CLCNKA: variants seen among roughly 807,000 people sequenced by gnomAD.
The protein encoded by CLCNKA is chloride channel protein ClC-Ka.
A neutral mutation model predicts 83.3 loss-of-function variants in CLCNKA; 66 were observed. The observed-to-expected ratio is 0.79, with a 90% CI of 0.65 to 0.97. The LOEUF (loss-of-function observed/expected upper bound fraction) is 0.97, where lower values mean the gene tolerates loss of function less well. Ranked by LOEUF, CLCNKA falls within the 50% of genes least tolerant of loss-of-function variation. The probability of loss-of-function intolerance (pLI) is 0.00; values close to 1 mark genes in which losing one functional copy is unlikely to be tolerated. For missense variants in CLCNKA, 806 were observed against 888.7 expected (o/e 0.91, Z 1.18); for synonymous variants, 357 against 370.4 (o/e 0.96, Z 0.42).
At chr1:16,023,716 C>T (rs1044655593) in intron 2 of CLCNKA, 84 bp from the exon 3 acceptor site, 4 of 1,562,728 alleles carry the variant, frequency 2.6e-6, no homozygotes, top group Non-Finnish European at 3.5e-6. Flanking sequence ...GTCCTCCCTG[C>T]CTGGAGCCAA....
chr1:16,029,361 G>T lies in CLCNKA; in HGVS notation c.1227+62G>T, dbSNP rs61151066. 17 of 1,610,068 alleles carry T rather than the reference G, an allele frequency of 1.1e-5. No individual in the cohort carries two copies. The South Asian group carries it at 1.4e-4, about 14-fold the overall frequency. ...GACCAGCTCTGGTGGGGAGGGGCGG[G>T]GGTGCCTCCCTGCACCTGGTGGCAT... On this transcript the variant is annotated intron_variant, in intron 12 of 19. Transcript: ENST00000331433.
rs754248526 is a variant in CLCNKA at position 16,022,643 on chromosome 1, TG to T, written c.25del (p.Glu9ArgfsTer8). On this transcript the variant is annotated frameshift_variant, in exon 2 of 20. Transcript: ENST00000331433. LOFTEE classifies it high-confidence loss of function. ...TGATGGAGGAGTTGGTGGGGCTGCG[TG>T]AGGGCTTCTCAGGGGACCCTGTGAC... The part of the protein sequence containing the change: MEELVGLR[E>X]GFSGDPVTLQ... The T allele has an allele frequency of 6.4e-7, 1 of 1,567,974 alleles. No homozygotes were observed. Among genetic ancestry groups the T allele is most frequent in the African/African-American group, 1.3e-5 (1 of 74,250 alleles).
rs1421131685 is a variant in CLCNKA, at chr1:16,030,520, G to C, written c.1468G>C (p.Glu490Gln). The change falls in exon 15 of 20, where the codon GAG (glutamate) becomes CAG (glutamine). Residue 490 changes from glutamate (E) to glutamine (Q), a missense_variant. Transcript: ENST00000331433. ...HTISTALLAF[E>Q]LTGQIVHALP... ...CATCTCCACGGCGCTGCTGGCCTTT[G>C]AGCTGACCGGCCAGATAGTGCATGC... 6 of 1,613,008 alleles carry C rather than the reference G, an allele frequency of 3.7e-6. No homozygotes were observed. Among genetic ancestry groups the C allele is most frequent in the Non-Finnish European group, 5.1e-6 (6 of 1,180,046 alleles).
chr1:16,033,357 T>G, intron 19 of CLCNKA, 101 bp downstream of exon 19: 1 of 1,331,290 alleles, frequency 7.5e-7, no homozygotes, highest in Non-Finnish European at 1.1e-6. Context: ...CATCCAAACC[T>G]GGGGGGATTC....
intron 16 of CLCNKA, 136 bp downstream of exon 16, chr1:16,031,979 T>A: frequency 6.8e-7 from 1 of 1,473,480 alleles, no homozygotes; most frequent in Non-Finnish European, 9.3e-7. Flanking sequence ...AGCAAGTCAC[T>A]TCACCTGAGC....
intron 15 of CLCNKA, among the ~76,000 whole-genome samples, 170 bp downstream of exon 15, chr1:16,030,844 G>T (rs1010533399): frequency 3.3e-5 from 5 of 152,224 alleles, no homozygotes; most frequent in African/African-American, 4.8e-5. Context: ...CAGTGCCCTG[G>T]GTGACCTTGG....
At chr1:16,032,924 C>A (rs1570314267) in intron 18 of CLCNKA, among the ~76,000 whole-genome samples, 1 of 152,348 alleles carries the variant, frequency 6.6e-6, no homozygotes, top group African/African-American at 2.4e-5. Flanking sequence ...GAGATGGCCC[C>A]GCCCCCTCTG....
At chr1:16,028,177 C>G (rs12753541) in intron 10 of CLCNKA, 58 bp downstream of exon 10, 5 of 1,516,120 alleles carry the variant, frequency 3.3e-6, no homozygotes, top group Non-Finnish European at 4.6e-6. Context: ...GACTCCAGAC[C>G]TTATGTAGAA....
chr1:16,026,944 G>A (rs2022384744), intron 7 of CLCNKA, 169 bp downstream of exon 7: 4 of 845,300 alleles, frequency 4.7e-6, no homozygotes, highest in Non-Finnish European at 5.7e-6. Context: ...GGGGCGGGGC[G>A]GGTGGTTGGG....
In CLCNKA at chr1:16,033,102, C is replaced by T. The variant is rs956304440; in HGVS notation, c.1930-68C>T. 2.6e-5 allele frequency: 39 copies of T among 1,508,472 alleles called. No homozygotes were observed. The African/African-American group carries it at 3.7e-4, about 14-fold the overall frequency. The allele number at this position is 1,508,472 out of a possible 1,614,324, so 93.4% of individuals were successfully genotyped here. A position where few individuals can be genotyped will look rare whatever the true frequency, so the allele number is the denominator to read the frequency against. On this transcript the variant is annotated intron_variant, in intron 18 of 19. Transcript: ENST00000331433. Reference sequence around the variant, plus strand: ...CCCTCTTCCTGGCTCAGAGGCGTGGCAGAGTGGGCCAGAGGGTGGGCTGGG... The same window carrying T: ...CCCTCTTCCTGGCTCAGAGGCGTGGTAGAGTGGGCCAGAGGGTGGGCTGGG...
At chr1:16,032,557 A>AAG (rs1553125436) in intron 18 of CLCNKA, 31 bp downstream of exon 18, 17 of 1,554,492 alleles carry the variant, frequency 1.1e-5, no homozygotes, top group South Asian at 4.4e-5. Context: ...TGACACACGC[A>AAG]GCCCCCGGGG....
chr1:16,022,794 T>G, intron 2 of CLCNKA, 75 bp downstream of exon 2: 1 of 1,086,016 alleles, frequency 9.2e-7, no homozygotes. Flanking sequence ...CCACCCCACC[T>G]CTCTGCCCAG....
chr1:16,027,412 T>C lies in CLCNKA; in HGVS notation c.758T>C (p.Leu253Pro). 1 of 1,614,076 alleles carries C rather than the reference T, an allele frequency of 6.2e-7. No homozygotes were observed. ...TGCGGGGCCTTCATATTCCGGCTCC[T>C]GGCAGTCTTCAACAGCGAGCAGGGT... ...ATCGAFIFRL[L>P]AVFNSEQETI... Residue 253 changes from leucine (L) to proline (P), a missense_variant, in exon 8 of 20, where the codon CTG (leucine) becomes CCG (proline). Transcript: ENST00000331433.
chr1:16,029,044 C>A (rs935736106), intron 11 of CLCNKA, 82 bp from the exon 12 acceptor site: 4 of 1,559,264 alleles, frequency 2.6e-6, no homozygotes, highest in African/African-American at 1.4e-5. Flanking sequence ...GGATTCCAGG[C>A]GGGGTCAGGC....
chr1:16,027,191 T>C, intron 7 of CLCNKA, 119 bp from the exon 8 acceptor site: 2 of 1,444,780 alleles, frequency 1.4e-6, no homozygotes, highest in Non-Finnish European at 1.9e-6. Flanking sequence ...TGTCTGTCCC[T>C]GTCCGGGCTG....
In CLCNKA at chr1:16,023,625, G is replaced by C. The variant is rs2022226316; in HGVS notation, c.101-175G>C. Among the ~76,000 whole-genome samples, 3 of 152,206 alleles carry C rather than the reference G, an allele frequency of 2.0e-5. No homozygotes were observed. The South Asian group carries it at 6.2e-4, about 31-fold the overall frequency. On this transcript the variant is annotated intron_variant, in intron 2 of 19. Transcript: ENST00000331433. ...CTGACACAGCCATCTGCCAGTCCCA[G>C]TGCGAGGAACGTGGACAACTTGCAT...
At chr1:16,032,156 T>A in intron 16 of CLCNKA, 47 bp from the exon 17 acceptor site, 1 of 1,558,728 alleles carries the variant, frequency 6.4e-7, no homozygotes, top group Non-Finnish European at 8.8e-7. Context: ...CCCTCAGGCC[T>A]GTTTCTTCAT....
chr1:16,025,791 G>A (rs1260292006), intron 4 of CLCNKA, among the ~76,000 whole-genome samples: 1 of 152,130 alleles, frequency 6.6e-6, no homozygotes, highest in African/African-American at 2.4e-5. Flanking sequence ...TTTCACTCTT[G>A]TTGCCCAAGG....
Position 16,022,626 on chromosome 1 carries a change from G to A in CLCNKA, c.7G>A (p.Glu3Lys), listed in dbSNP as rs2022177926. Residue 3 changes from glutamate to lysine, a missense_variant, in exon 2 of 20, where the codon GAG becomes AAG. By Grantham distance (56) the Glu-to-Lys change is moderately conservative. Transcript: ENST00000331433. The part of the protein sequence containing the change: ME[E>K]LVGLREGFSG... Reference sequence around the variant, plus strand: ...CTGCTTCTCCAGGGGCCTGATGGAGGAGTTGGTGGGGCTGCGTGAGGGCTT... The same window carrying A: ...CTGCTTCTCCAGGGGCCTGATGGAGAAGTTGGTGGGGCTGCGTGAGGGCTT... 6.4e-7 allele frequency: 1 copy of A among 1,564,650 alleles called. No individual in the cohort carries two copies.
Sources: allele counts gnomAD v4.1 joint callset (sites outside exome capture counted in the v4.1 genomes callset), GRCh38; gene constraint gnomAD v4.1.1; transcripts MANE v1.5; gene names NCBI Gene and HGNC (gene_info 2026-07-23, HGNC 2026-07-21).